IL10: variants seen among roughly 807,000 people sequenced by gnomAD.
IL10 encodes interleukin-10.
IL10 carries 7 observed loss-of-function variants against 21.0 expected under a neutral mutation model. The observed-to-expected ratio is 0.33, with a 90% CI of 0.19 to 0.63. The LOEUF (loss-of-function observed/expected upper bound fraction) is 0.63. IL10 is among the 20% of genes least tolerant of loss of function. The pLI, the probability that IL10 is intolerant of heterozygous loss-of-function variation, is 0.77. For missense variants in IL10, 161 were observed against 213.0 expected (o/e 0.76, Z 1.52); for synonymous variants, 83 against 79.7 (o/e 1.04, Z -0.22).
At chr1:206,770,023 A>G in intron 3 of IL10, 129 bp from the exon 4 acceptor site, 3 of 732,266 alleles carry the variant, frequency 4.1e-6, no homozygotes, top group Non-Finnish European at 7.5e-6. Context: ...CAGCTCCCAG[A>G]GAGAACTGAG....
Position 206,772,361 on chromosome 1 carries a change from C to T in IL10, c.75G>A (p.Gln25=). Residue 25 remains glutamine, a synonymous_variant, in exon 1 of 5, where the codon CAG becomes CAA. Transcript: ENST00000423557. ...GGAAGTGGGTGCAGCTGTTCTCAGA[C>T]TGGGTGCCCTGGCCTGGGCTGGCCC... is the stretch of plus-strand genomic sequence containing the variant. ...GVRASPGQGT[Q]SENSCTHFPG... is the part of the protein sequence containing the mutation. 6.2e-7 allele frequency: 1 copy of T among 1,614,226 alleles called. No individual in the cohort carries two copies. The highest frequency in any genetic ancestry group is 1.7e-5 in the Admixed American group (1 of 60,028).
In IL10 at chr1:206,771,606, C is replaced by T. The variant is rs532028817; in HGVS notation, c.166-191G>A. 5.3e-5 allele frequency among the ~76,000 whole-genome samples: 8 copies of T among 152,220 alleles called. No individual in the cohort carries two copies. The East Asian group carries it at 1.4e-3, about 26-fold the overall frequency. ...GGACCATCACTTAAATCAGGTCCTC[C>T]TCCTCAGAGTCAAGTTATTTAAAAA... On this transcript the variant is annotated intron_variant, in intron 1 of 4. Transcript: ENST00000423557.
At position 206,768,240 on chromosome 1, in the gene IL10, A is replaced by G. The variant is rs1018832632; in HGVS notation, c.*396T>C. ...AGATAAATTAGAGGGAGGTCAGGGA[A>G]AACAGCTCAACAGCTAGAAAGCGTG... On this transcript the variant is annotated 3_prime_UTR_variant, in exon 5 of 5. Coordinates refer to ENST00000423557, the MANE Select transcript of IL10 (RefSeq NM_000572.3). The G allele has an allele frequency of 1.1e-5, 3 of 274,214 alleles. No individual in the cohort carries two copies. The highest frequency in any genetic ancestry group is 2.1e-5 in the Non-Finnish European group (3 of 143,924). 17.0% of individuals were successfully genotyped at this position (274,214 alleles called of 1,614,324 possible). A position where few individuals can be genotyped will look rare whatever the true frequency, so the allele number is the denominator to read the frequency against.
Position 206,771,073 on chromosome 1 carries a change from C to A in IL10, c.226-14G>T, listed in dbSNP as rs753924360. 2 of 1,613,876 alleles carry A rather than the reference C, an allele frequency of 1.2e-6. No homozygotes were observed. The highest frequency in any genetic ancestry group is 1.7e-6 in the Non-Finnish European group (2 of 1,179,896). On this transcript the variant is annotated splice_polypyrimidine_tract_variant and intron_variant, in intron 2 of 4. Transcript: ENST00000423557. ...ACCCAGGTAACCCTAAGGGCAGGAG[C>A]CAAAGGTGAGTGAGAGATTGGCGGA...
At position 206,770,940 on chromosome 1, in the gene IL10, G is replaced by T. The variant is rs5743626; in HGVS notation, c.345C>A (p.Asn115Lys). ...IKAHVNSLGENLKTLRLRLRR... is the reference protein window; with the variant it reads ...IKAHVNSLGEKLKTLRLRLRR... ...GTAGCCTCAGCCTGAGGGTCTTCAG[G>T]TTCTCCCCCAGGGAGTTCACATGCG... Residue 115 changes from asparagine to lysine, a missense_variant, in exon 3 of 5, where the codon AAC becomes AAA. By Grantham distance (94) the Asn-to-Lys change is moderately conservative (BLOSUM62 0). Transcript: ENST00000423557. The T allele has an allele frequency of 6.2e-7, 1 of 1,614,036 alleles. No individual in the cohort carries two copies. Among genetic ancestry groups the T allele is most frequent in the Non-Finnish European group, 8.5e-7 (1 of 1,180,026 alleles).
chr1:206,768,646 A>G lies in IL10; in HGVS notation c.527T>C (p.Ile176Thr). 2 of 1,594,512 alleles carry G rather than the reference A, an allele frequency of 1.3e-6. No homozygotes were observed. The highest frequency in any genetic ancestry group is 1.7e-6 in the Non-Finnish European group (2 of 1,162,184). The change falls in exon 5 of 5, where the codon ATA becomes ACA. Residue 176 changes from isoleucine to threonine, a missense_variant. By Grantham distance (89) the Ile-to-Thr change is moderately conservative. Transcript: ENST00000423557. ...NYIEAYMTMK[I>T]RN ...CGCCACCCTGATGTCTCAGTTTCGTATCTTCATTGTCATGTAGGCTTCTAT... is the reference window on the plus strand; with the variant it reads ...CGCCACCCTGATGTCTCAGTTTCGTGTCTTCATTGTCATGTAGGCTTCTAT...
chr1:206,768,201 C>A lies in IL10; in HGVS notation c.*435G>T. ...AGTATTTGTAGCAGTTAGGAAGCCC[C>A]AAGCCCAGAGACAAGATAAATTAGA... On this transcript the variant is annotated 3_prime_UTR_variant, in exon 5 of 5. Coordinates refer to ENST00000423557, the MANE Select transcript of IL10 (RefSeq NM_000572.3). 4.0e-6 allele frequency: 1 copy of A among 251,594 alleles called. No homozygotes were observed. The highest frequency in any genetic ancestry group is 5.0e-5 in the Admixed American group (1 of 19,828). The allele number at this position is 251,594 out of a possible 1,614,324, so 15.6% of individuals were successfully genotyped here.
Position 206,768,180 on chromosome 1 carries a change from T to C in IL10, c.*456A>G, listed in dbSNP as rs995277208. The stretch of plus-strand genomic sequence containing the variant: ...TCCCTGGTTTCTCTTCCTAAGAGTA[T>C]TTGTAGCAGTTAGGAAGCCCCAAGC... On this transcript the variant is annotated 3_prime_UTR_variant, in exon 5 of 5. Transcript: ENST00000423557. The C allele has an allele frequency of 1.2e-5, 3 of 241,528 alleles. No homozygotes were observed. The highest frequency in any genetic ancestry group is 2.4e-5 in the Non-Finnish European group (3 of 123,952). 15.0% of individuals were successfully genotyped at this position (241,528 alleles called of 1,614,324 possible). A position where few individuals can be genotyped will look rare whatever the true frequency, so the allele number is the denominator to read the frequency against.
At chr1:206,771,966 A>C (rs3024490) in intron 1 of IL10, among the ~76,000 whole-genome samples, 104,438 of 152,146 alleles carry the variant, frequency 0.69, 36,740 homozygotes, top group Non-Finnish European at 0.77. Context: ...CGAATCAGAC[A>C]TTTCTTTACT....
At chr1:206,770,265 G>T (rs1674785734) in intron 3 of IL10, 2 of 373,870 alleles carry the variant, frequency 5.3e-6, no homozygotes, top group Non-Finnish European at 1.0e-5. Context: ...ATCTGAGGAG[G>T]GAAGCTACTG....
rs1674767911 is a variant in IL10, at chr1:206,769,835, A to G, written c.438T>C (p.Phe146=). 5 of 1,613,052 alleles carry G rather than the reference A, an allele frequency of 3.1e-6. No homozygotes were observed. Among genetic ancestry groups the G allele is most frequent in the African/African-American group, 2.7e-5 (2 of 74,896 alleles). The change falls in exon 4 of 5, where the codon TTT becomes TTC. Residue 146 remains phenylalanine (F), a synonymous_variant. Transcript: ENST00000423557. The stretch of plus-strand genomic sequence containing the variant: ...TGCCACCATCCAAGCTCACCTTATT[A>G]AAGGCATTCTTCACCTGCTCCACGG... ...SKAVEQVKNA[F]NKLQEKGIYK...
intron 1 of IL10, 84 bp from the exon 2 acceptor site, chr1:206,771,499 G>T: frequency 1.7e-6 from 2 of 1,188,960 alleles, no homozygotes; most frequent in Non-Finnish European, 2.4e-6. Context: ...TTCATTTAGA[G>T]ATTTTTTTTT....
intron 4 of IL10, 126 bp downstream of exon 4, chr1:206,769,703 A>T (rs1422926979): frequency 2.6e-6 from 2 of 775,802 alleles, no homozygotes; most frequent in Non-Finnish European, 4.7e-6. Flanking sequence ...ACCATCTGTC[A>T]GGTTCCCACA....
intron 1 of IL10, among the ~76,000 whole-genome samples, chr1:206,771,865 C>T (rs1674855095): frequency 6.6e-6 from 1 of 152,216 alleles, no homozygotes; most frequent in Non-Finnish European, 1.5e-5. Context: ...TAGAGTGCTT[C>T]CCTAAACCAC....
At chr1:206,769,958 G>A (rs1042064106) in intron 3 of IL10, 64 bp from the exon 4 acceptor site, 106 of 1,333,632 alleles carry the variant, frequency 7.9e-5, no homozygotes, top group Middle Eastern at 1.9e-4. Flanking sequence ...TCACACTTAG[G>A]GGACAAGCTG....
intron 4 of IL10, 149 bp from the exon 5 acceptor site, chr1:206,768,877 A>T: frequency 1.4e-6 from 1 of 690,232 alleles, no homozygotes; most frequent in Non-Finnish European, 2.7e-6. Flanking sequence ...GGATAGGCCT[A>T]GCTGCCTTGG....
chr1:206,771,955 TC>T (rs1674859008), intron 1 of IL10, among the ~76,000 whole-genome samples: 1 of 152,010 alleles, frequency 6.6e-6, no homozygotes, highest in South Asian at 2.1e-4. Context: ...CATCTTCACC[TC>T]GAATCAGACA....
chr1:206,769,985 G>T, intron 3 of IL10, 91 bp from the exon 4 acceptor site: 1 of 1,014,374 alleles, frequency 9.9e-7, no homozygotes, highest in Non-Finnish European at 1.6e-6. Context: ...TCATGAGGAG[G>T]CCAGATTTAT....
rs1674835162 is a variant in IL10, at chr1:206,771,368, C to A, written c.213G>T (p.Leu71=). 2 of 1,613,622 alleles carry A rather than the reference C, an allele frequency of 1.2e-6. No individual in the cohort carries two copies. The highest frequency in any genetic ancestry group is 1.7e-6 in the Non-Finnish European group (2 of 1,179,752). ...LDNLLLKESL[L]EDFKGYLGCQ... is the part of the protein sequence containing the mutation. ...CCCCTGCTCTCACCTTAAAGTCCTCCAGCAAGGACTCCTTTAACAACAAGT... is the reference window on the plus strand; with the variant it reads ...CCCCTGCTCTCACCTTAAAGTCCTCAAGCAAGGACTCCTTTAACAACAAGT... Residue 71 remains leucine, a synonymous_variant, in exon 2 of 5, where the codon CTG becomes CTT. Coordinates refer to ENST00000423557, the MANE Select transcript of IL10 (RefSeq NM_000572.3).
Sources: gnomAD v4.1 joint callset for allele counts (sites outside exome capture counted in the v4.1 genomes callset) on GRCh38, gnomAD v4.1.1 for gene constraint, MANE v1.5 for transcripts, NCBI Gene and HGNC (gene_info 2026-07-23, HGNC 2026-07-21) for gene names.